Variants in SMOC2 observed in about 807,000 individuals in gnomAD.
SMOC2 encodes the protein SPARC related modular calcium binding 2, also known as SPARC-related modular calcium-binding protein 2.
A neutral mutation model predicts 61.4 loss-of-function variants in SMOC2; 39 were observed. The ratio of observed to expected loss-of-function variants is 0.64; its 90% CI spans 0.49 to 0.83. The LOEUF (loss-of-function observed/expected upper bound fraction) is 0.83, where lower values mean the gene tolerates loss of function less well. SMOC2 is among the 40% of genes least tolerant of loss of function. SMOC2 has a pLI of 0.00. For synonymous variants in SMOC2, 247 were observed against 239.9 expected (o/e 1.03, Z -0.27); for missense variants, 556 against 592.9 (o/e 0.94, Z 0.65).
At chr6:168,583,462 G>A (rs565531607) in intron 7 of SMOC2, among the ~76,000 whole-genome samples, 3 of 152,248 alleles carry the variant, frequency 2.0e-5, no homozygotes, top group Admixed American at 6.5e-5. Flanking sequence ...GCAGATGAAC[G>A]CACAATGTCT....
At chr6:168,600,016 G>C (rs1047761628) in intron 8 of SMOC2, among the ~76,000 whole-genome samples, 5 of 151,978 alleles carry the variant, frequency 3.3e-5, no homozygotes, top group African/African-American at 1.2e-4. Flanking sequence ...ATCAGCTGTG[G>C]GTGTTGCACC....
intron 1 of SMOC2, among the ~76,000 whole-genome samples, chr6:168,468,323 T>C (rs1017677608): frequency 3.3e-5 from 5 of 152,200 alleles, no homozygotes; most frequent in African/African-American, 1.2e-4. Context: ...CGGAAGCACA[T>C]GTTCTAAAGT....
At chr6:168,471,636 A>G (rs1209960965) in intron 1 of SMOC2, among the ~76,000 whole-genome samples, 1 of 152,216 alleles carries the variant, frequency 6.6e-6, no homozygotes, top group Non-Finnish European at 1.5e-5. Context: ...ATTATTTTCC[A>G]TAGTGCCTAT....
At chr6:168,480,151 A>G (rs978104940) in intron 1 of SMOC2, among the ~76,000 whole-genome samples, 1 of 152,212 alleles carries the variant, frequency 6.6e-6, no homozygotes, top group Non-Finnish European at 1.5e-5. Flanking sequence ...AAAATGAAGA[A>G]TCTGACTTCA....
intron 1 of SMOC2, among the ~76,000 whole-genome samples, chr6:168,442,457 G>A (rs1003373735): frequency 2.0e-5 from 3 of 152,264 alleles, no homozygotes; most frequent in Non-Finnish European, 2.9e-5. Context: ...GTCCTCCTGG[G>A]CTTGCAGGGT....
rs746975479 is a variant in SMOC2, at chr6:168,604,171, G to A, written c.825-3986G>A. 7.6e-4 allele frequency among the ~76,000 whole-genome samples: 116 copies of A among 152,272 alleles called. 1 individual carries two copies. Among genetic ancestry groups the A allele is most frequent in the Admixed American group, 9.2e-4 (14 of 15,292 alleles). ...GTCACAGGATGGCTGCAACAGATCC[G>A]GACATCTCATCCAGATGCCACAGTG... On this transcript the variant is annotated intron_variant, in intron 8 of 12. Coordinates refer to ENST00000356284, the MANE Select transcript of SMOC2 (RefSeq NM_001166412.2).
chr6:168,574,370 G>A (rs374165707), intron 7 of SMOC2, among the ~76,000 whole-genome samples: 3 of 152,226 alleles, frequency 2.0e-5, no homozygotes, highest in Admixed American at 6.5e-5. Context: ...GGAAGCCCCC[G>A]TCCTTAGGAA....
At position 168,526,769 on chromosome 6, in the gene SMOC2, T is replaced by C. The variant is rs2255680; in HGVS notation, c.363+317T>C. Among the ~76,000 whole-genome samples, 103,543 of 152,016 alleles carry C rather than the reference T, an allele frequency of 0.68. 37,420 individuals are homozygous for C. The highest frequency in any genetic ancestry group is 0.8 in the Non-Finnish European group (54,634 of 68,004). The stretch of plus-strand genomic sequence containing the variant: ...TGAGGCCAATTAGACCGTGCTAACC[T>C]GGCTTGCAGCTTAGAATTTAATTTT... On this transcript the variant is annotated intron_variant, in intron 3 of 12. Transcript: ENST00000356284.
intron 8 of SMOC2, among the ~76,000 whole-genome samples, chr6:168,599,286 A>C (rs564333837): frequency 0.021 from 2,056 of 99,718 alleles, 66 homozygotes; most frequent in African/African-American, 0.064. Flanking sequence ...TCACACACCC[A>C]CACACACACA....
intron 2 of SMOC2, among the ~76,000 whole-genome samples, chr6:168,515,642 G>T (rs5026839): frequency 2.2e-3 from 11 of 5,018 alleles, no homozygotes; most frequent in African/African-American, 2.7e-3. Flanking sequence ...TCGCCCTGAG[G>T]GGCCGGCTCC....
chr6:168,472,300 G>A (rs1327792557), intron 1 of SMOC2, among the ~76,000 whole-genome samples: 1 of 150,966 alleles, frequency 6.6e-6, no homozygotes, highest in Non-Finnish European at 1.5e-5. Context: ...CTGTTGAAGA[G>A]ACTGTCCCTT....
At chr6:168,582,732 G>A (rs955189581) in intron 7 of SMOC2, among the ~76,000 whole-genome samples, 3 of 152,224 alleles carry the variant, frequency 2.0e-5, no homozygotes, top group South Asian at 2.1e-4. Flanking sequence ...TGCGTCACGC[G>A]GTGTTTCCAC....
intron 10 of SMOC2, 140 bp downstream of exon 10, chr6:168,650,923 A>G: frequency 2.7e-6 from 2 of 731,980 alleles, no homozygotes; most frequent in South Asian, 3.8e-5. Flanking sequence ...CCTTCTGCAA[A>G]CACAGGAAGT....
rs940033524 is a variant in SMOC2, at chr6:168,487,336, C to T, written c.85-22579C>T. Among the ~76,000 whole-genome samples the T allele has an allele frequency of 7.9e-5, 12 of 152,116 alleles. No individual in the cohort carries two copies. In the East Asian group the frequency reaches 9.7e-4, roughly 12 times the overall value. ...GAATTAGTCAACTTGATTGACTACT[C>T]GTCAGGGTGATGGGCAAGGCAGTCT... On this transcript the variant is annotated intron_variant, in intron 1 of 12. Coordinates refer to ENST00000356284, the MANE Select transcript of SMOC2 (RefSeq NM_001166412.2).
Position 168,587,843 on chromosome 6 carries a change from C to T in SMOC2, c.638-10975C>T, listed in dbSNP as rs550391534. ...TCCTGGCTTGACTTCCCTTTGGCTT[C>T]GTGACTTTGGGGTCCTGAGATTTCC... On this transcript the variant is annotated intron_variant, in intron 7 of 12. Transcript: ENST00000356284. 2.0e-5 allele frequency among the ~76,000 whole-genome samples: 3 copies of T among 152,272 alleles called. No individual in the cohort carries two copies. In the South Asian group the frequency reaches 6.2e-4, roughly 32 times the overall value.
chr6:168,450,381 T>C (rs1461531789), intron 1 of SMOC2, among the ~76,000 whole-genome samples: 1 of 152,174 alleles, frequency 6.6e-6, no homozygotes, highest in Non-Finnish European at 1.5e-5. Flanking sequence ...AGTTGTGTAA[T>C]CTTTAAACAT....
At chr6:168,625,292 A>G (rs1054092853) in intron 9 of SMOC2, among the ~76,000 whole-genome samples, 6 of 152,200 alleles carry the variant, frequency 3.9e-5, no homozygotes, top group African/African-American at 1.4e-4. Flanking sequence ...GCAGCGCTGC[A>G]GAGTCCCCTT....
chr6:168,579,114 A>G (rs1784870414), intron 7 of SMOC2, among the ~76,000 whole-genome samples: 3 of 152,250 alleles, frequency 2.0e-5, no homozygotes, highest in Admixed American at 2.0e-4. Context: ...ACACATGGCT[A>G]GTAAGAATTC....
rs12664216 is a variant in SMOC2 at position 168,539,599 on chromosome 6, G to C, written c.464-4026G>C. On this transcript the variant is annotated intron_variant, in intron 4 of 12. Coordinates refer to ENST00000356284, the MANE Select transcript of SMOC2 (RefSeq NM_001166412.2). ...TCCACACCGGCTCTAGCAGGCTGCTGCCTGAGAGAGTCCTGCCAGATGGGC... is the reference window on the plus strand; with the variant it reads ...TCCACACCGGCTCTAGCAGGCTGCTCCCTGAGAGAGTCCTGCCAGATGGGC... 6.6e-5 allele frequency among the ~76,000 whole-genome samples: 10 copies of C among 152,358 alleles called. No individual in the cohort carries two copies. The East Asian group carries it at 1.7e-3, about 27-fold the overall frequency.
Sources: allele counts gnomAD v4.1 joint callset (sites outside exome capture counted in the v4.1 genomes callset), GRCh38; gene constraint gnomAD v4.1.1; transcripts MANE v1.5; gene names NCBI Gene and HGNC (gene_info 2026-07-23, HGNC 2026-07-21).